KLF12: variants seen among roughly 807,000 people sequenced by gnomAD.
The protein encoded by KLF12 is KLF transcription factor 12, also known as Krueppel-like factor 12.
In KLF12, 9 loss-of-function variants were observed where a neutral mutation model predicts 37.8. The ratio of observed to expected loss-of-function variants is 0.24; its 90% CI spans 0.14 to 0.42. The LOEUF (loss-of-function observed/expected upper bound fraction) is 0.42, where lower values mean the gene tolerates loss of function less well. Ranked by LOEUF, KLF12 falls within the 10% of genes least tolerant of loss-of-function variation. The pLI is 1.00. For synonymous variants in KLF12, 208 were observed against 202.1 expected (o/e 1.03, Z -0.25); for missense variants, 411 against 516.0 (o/e 0.80, Z 1.97).
In KLF12 at chr13:73,688,738, C is replaced by T. The variant is rs1389759885; in HGVS notation, c.*6752G>A. On this transcript the variant is annotated 3_prime_UTR_variant, in exon 8 of 8. Transcript: ENST00000377669. ...ACCATTGTTAAGTCATGTGTTATAT[C>T]ATGTCCCGATATTTCACTTGAAAAA... The T allele has an allele frequency of 6.6e-6, 1 of 152,144 alleles. No homozygotes were observed. The highest frequency in any genetic ancestry group is 1.5e-5 in the Non-Finnish European group (1 of 68,026). The allele number at this position is 152,144 out of a possible 1,614,324, so 9.4% of individuals were successfully genotyped here. A position where few individuals can be genotyped will look rare whatever the true frequency, so the allele number is the denominator to read the frequency against.
chr13:73,687,370 C>T lies in KLF12; in HGVS notation c.*8120G>A, dbSNP rs1202112513. On this transcript the variant is annotated 3_prime_UTR_variant, in exon 8 of 8. Transcript: ENST00000377669. ...GGGACAGTGATTTTTCAAAATGAAG[C>T]TTTAAACACAACAAATCGTGGACAG... 6.6e-6 allele frequency: 1 copy of T among 152,570 alleles called. No individual in the cohort carries two copies. The highest frequency in any genetic ancestry group is 1.5e-5 in the Non-Finnish European group (1 of 68,020). The allele number at this position is 152,570 out of a possible 1,614,324, so 9.5% of individuals were successfully genotyped here.
chr13:74,149,555 C>T, the KLF12 span, among the ~76,000 whole-genome samples: 120 of 152,298 alleles, frequency 7.9e-4, no homozygotes, highest in Non-Finnish European at 1.3e-3. Context: ...CTACCCTTCA[C>T]CTTTCACCTA....
At chr13:73,862,233 T>A (rs1319162730) in intron 3 of KLF12, among the ~76,000 whole-genome samples, 1 of 152,162 alleles carries the variant, frequency 6.6e-6, no homozygotes, top group African/African-American at 2.4e-5. Flanking sequence ...TGAATTAGTT[T>A]TACAACATGT....
the KLF12 span, among the ~76,000 whole-genome samples, chr13:74,248,579 G>T: frequency 6.6e-6 from 1 of 152,128 alleles, no homozygotes; most frequent in African/African-American, 2.4e-5. Flanking sequence ...TATTTGGGGA[G>T]TTATAGAACT....
In KLF12 at chr13:73,691,784, G is replaced by A. The variant is rs1873836675; in HGVS notation, c.*3706C>T. The A allele has an allele frequency of 6.6e-6, 1 of 152,578 alleles. No homozygotes were observed. The highest frequency in any genetic ancestry group is 2.4e-5 in the African/African-American group (1 of 41,448). The allele number at this position is 152,578 out of a possible 1,614,324, so 9.5% of individuals were successfully genotyped here. On this transcript the variant is annotated 3_prime_UTR_variant, in exon 8 of 8. Transcript: ENST00000377669. ...TCCATATAAATGTTATCATTCTAAT[G>A]AACTGATTCCAAAGTGCAGAATTAT...
At chr13:73,881,053 C>T (rs1281100583) in intron 3 of KLF12, among the ~76,000 whole-genome samples, 1 of 152,056 alleles carries the variant, frequency 6.6e-6, no homozygotes, top group East Asian at 1.9e-4. Context: ...AACATGCTCT[C>T]TAGAGATAAC....
chr13:73,794,078 G>T (rs941170699), intron 5 of KLF12, among the ~76,000 whole-genome samples: 1 of 152,326 alleles, frequency 6.6e-6, no homozygotes, highest in Admixed American at 6.5e-5. Context: ...AACACTTCCA[G>T]GTCCACTACT....
chr13:74,044,603 T>G (rs1209544498), intron 1 of KLF12, among the ~76,000 whole-genome samples: 1 of 152,074 alleles, frequency 6.6e-6, no homozygotes, highest in Non-Finnish European at 1.5e-5. Context: ...TCCCAGCACT[T>G]TGGGAGGCCA....
intron 3 of KLF12, among the ~76,000 whole-genome samples, chr13:73,924,905 A>C: frequency 6.6e-6 from 1 of 152,240 alleles, no homozygotes; most frequent in East Asian, 1.9e-4. Context: ...CAGGTGATCA[A>C]ACCAGCCACA....
At chr13:73,749,774 G>A (rs1878621143) in intron 6 of KLF12, among the ~76,000 whole-genome samples, 1 of 152,174 alleles carries the variant, frequency 6.6e-6, no homozygotes, top group Non-Finnish European at 1.5e-5. Flanking sequence ...AAGAAGAAGA[G>A]AAAGGAAACT....
At chr13:73,907,363 T>C (rs1178207809) in intron 3 of KLF12, among the ~76,000 whole-genome samples, 3 of 152,124 alleles carry the variant, frequency 2.0e-5, no homozygotes, top group Non-Finnish European at 4.4e-5. Context: ...TCTGCCTCCA[T>C]TCATACAGCA....
chr13:74,232,812 T>G, the KLF12 span, among the ~76,000 whole-genome samples: 11 of 152,154 alleles, frequency 7.2e-5, no homozygotes, highest in Non-Finnish European at 1.6e-4. Flanking sequence ...CCCATGTAGG[T>G]TGACAACAAC....
chr13:73,900,520 C>G (rs1408836293), intron 3 of KLF12, among the ~76,000 whole-genome samples: 1 of 151,914 alleles, frequency 6.6e-6, no homozygotes, highest in Non-Finnish European at 1.5e-5. Context: ...ATTCAGGACT[C>G]TACATATTAT....
chr13:74,278,800 T>G, the KLF12 span, among the ~76,000 whole-genome samples: 2 of 152,214 alleles, frequency 1.3e-5, no homozygotes, highest in Non-Finnish European at 2.9e-5. Flanking sequence ...TAGCATCTAT[T>G]AGTTTCAGGC....
intron 5 of KLF12, among the ~76,000 whole-genome samples, chr13:73,785,808 T>C (rs980254382): frequency 6.6e-6 from 1 of 152,130 alleles, no homozygotes; most frequent in African/African-American, 2.4e-5. Context: ...TAGCACACTA[T>C]TATCTGCTGG....
At chr13:73,878,306 G>T (rs981894955) in intron 3 of KLF12, among the ~76,000 whole-genome samples, 2 of 151,934 alleles carry the variant, frequency 1.3e-5, no homozygotes, top group Non-Finnish European at 2.9e-5. Context: ...TAATAAAAAG[G>T]GAAAAACCTT....
chr13:74,218,380 C>T, the KLF12 span, among the ~76,000 whole-genome samples: 3 of 152,098 alleles, frequency 2.0e-5, no homozygotes, highest in East Asian at 1.9e-4. Context: ...ATTTAACTAA[C>T]GAAATCTGGG....
chr13:73,838,388 CG>C (rs1726715586), intron 4 of KLF12, among the ~76,000 whole-genome samples: 1 of 152,020 alleles, frequency 6.6e-6, no homozygotes, highest in Non-Finnish European at 1.5e-5. Flanking sequence ...GATTCTTCAC[CG>C]TGTGTCTGTG....
chr13:74,065,768 G>C (rs576165622), intron 1 of KLF12, among the ~76,000 whole-genome samples: 1 of 152,134 alleles, frequency 6.6e-6, no homozygotes, highest in South Asian at 2.1e-4. Context: ...AGTGTGACCT[G>C]AGGAACATCC....
Sources: gnomAD v4.1 joint callset for allele counts (sites outside exome capture counted in the v4.1 genomes callset) on GRCh38, gnomAD v4.1.1 for gene constraint, MANE v1.5 for transcripts, NCBI Gene and HGNC (gene_info 2026-07-23, HGNC 2026-07-21) for gene names.